SMG1: variants seen among roughly 807,000 people sequenced by gnomAD.
The protein encoded by SMG1 is serine/threonine-protein kinase SMG1.
In SMG1, 22 loss-of-function variants were observed where a neutral mutation model predicts 419.9. The ratio of observed to expected loss-of-function variants is 0.05; its 90% confidence interval spans 0.04 to 0.07. SMG1 has a LOEUF of 0.07. SMG1 is among the 10% of genes least tolerant of loss of function. The probability of loss-of-function intolerance (pLI) is 1.00; values close to 1 mark genes in which losing one functional copy is unlikely to be tolerated. For missense variants in SMG1, 3,185 were observed against 4,342.0 expected, an observed-to-expected ratio of 0.73 and a Z score of 7.49; for synonymous variants, 1,538 against 1,553.5, an observed-to-expected ratio of 0.99 and a Z score of 0.23.
intron 3 of SMG1, among the ~76,000 whole-genome samples, chr16:18,892,601 T>G (rs1335316544): frequency 2.6e-5 from 4 of 151,960 alleles, no homozygotes; most frequent in Admixed American, 6.6e-5. Context: ...GCCAAGGTGG[T>G]GTGCACCTGT....
In SMG1 at chr16:18,869,265, T is replaced by C. The variant is rs780215957; in HGVS notation, c.2672A>G (p.Gln891Arg). 16 of 1,611,592 alleles carry C rather than the reference T, an allele frequency of 9.9e-6. No individual in the cohort carries two copies. The highest frequency in any genetic ancestry group is 1.4e-5 in the Non-Finnish European group (16 of 1,179,574). ...TGACTGGTCACGCTTATCCAGTCTC[T>C]GGCAGCTATAGAACAGTCTTTCCAA... ...NWLERLFYSC[Q>R]RLDKRDQSTI... Residue 891 changes from glutamine to arginine, a missense_variant, in exon 20 of 63, where the codon CAG becomes CGG. Physicochemically the swap from Gln to Arg is conservative, Grantham distance 43. This residue lies in a region of SMG1 where 48 missense variants were observed against 48.8 expected (regional missense o/e 0.98). Coordinates refer to ENST00000446231, the MANE Select transcript of SMG1 (RefSeq NM_015092.5).
At chr16:18,908,476 C>CAAAAAAAA in intron 1 of SMG1, among the ~76,000 whole-genome samples, 1 of 83,710 alleles carries the variant, frequency 1.2e-5, no homozygotes, top group Non-Finnish European at 2.3e-5. Context: ...GACTCCGTCT[C>CAAAAAAAA]AAAAAAAAAA....
At chr16:18,894,067 A>C (rs544930293) in intron 3 of SMG1, among the ~76,000 whole-genome samples, 1 of 148,640 alleles carries the variant, frequency 6.7e-6, no homozygotes, top group East Asian at 1.9e-4. Flanking sequence ...ATAAATAAAT[A>C]AATAAATAAA....
Position 18,884,199 on chromosome 16 carries a change from AG to A in SMG1, c.1022-33del, listed in dbSNP as rs746574697. On this transcript the variant is annotated intron_variant, in intron 8 of 62. Coordinates refer to ENST00000446231, the MANE Select transcript of SMG1 (RefSeq NM_015092.5). Reference sequence around the variant, plus strand: ...ATCGTATAAGAAATTGTGAAAGGGTAGGGGGGAAAAAAACACCAAAAAATCC... The same window carrying A: ...ATCGTATAAGAAATTGTGAAAGGGTAGGGGGAAAAAAACACCAAAAAATCC... 29 of 1,172,600 alleles carry A rather than the reference AG, an allele frequency of 2.5e-5. No homozygotes were observed. In the African/African-American group the frequency reaches 3.4e-4, roughly 14 times the overall value. The allele number at this position is 1,172,600 out of a possible 1,614,324, so 72.6% of individuals were successfully genotyped here.
At chr16:18,844,664 C>T (rs1351627963) in intron 39 of SMG1, among the ~76,000 whole-genome samples, 1 of 151,714 alleles carries the variant, frequency 6.6e-6, no homozygotes, top group Non-Finnish European at 1.5e-5. Flanking sequence ...TAGCTATTTG[C>T]TCTGAATTTA....
At chr16:18,881,202 C>T (rs1324627243) in intron 10 of SMG1, among the ~76,000 whole-genome samples, 1 of 151,136 alleles carries the variant, frequency 6.6e-6, no homozygotes. Context: ...CCTCATAAAT[C>T]AATATACACC....
At chr16:18,921,003 T>G (rs554777018) in intron 1 of SMG1, among the ~76,000 whole-genome samples, 33 of 152,028 alleles carry the variant, frequency 2.2e-4, no homozygotes, top group Non-Finnish European at 3.4e-4. Flanking sequence ...CCGGGCATAG[T>G]GGCATGTACC....
intron 49 of SMG1, 146 bp downstream of exon 49, chr16:18,834,746 C>G (rs2033445488): frequency 1.0e-6 from 1 of 956,036 alleles, no homozygotes; most frequent in Non-Finnish European, 1.6e-6. Flanking sequence ...GACCCTGTCT[C>G]AAAACACAAC....
At chr16:18,860,909 C>A in intron 25 of SMG1, 133 bp from the exon 26 acceptor site, 2 of 497,088 alleles carry the variant, frequency 4.0e-6, no homozygotes, top group Non-Finnish European at 7.1e-6. Context: ...ATTCCTTCCA[C>A]GAGGATGCCA....
Position 18,847,843 on chromosome 16 carries a change from G to C in SMG1, c.5814C>G (p.Ser1938=). Residue 1938 remains serine, a synonymous_variant, in exon 37 of 63, where the codon TCC becomes TCG. Transcript: ENST00000446231. ...DCYSKIVDKL[S]SANPTMVLQV... is the part of the protein sequence containing the mutation. ...GTAATACCATGGTGGGGTTTGCAGA[G>C]GACAGCTTATCTACAATTTTGCTGT... The C allele has an allele frequency of 2.5e-6, 4 of 1,614,002 alleles. No homozygotes were observed. Among genetic ancestry groups the C allele is most frequent in the Non-Finnish European group, 3.4e-6 (4 of 1,179,870 alleles).
At chr16:18,859,791 C>T (rs1188348588) in intron 26 of SMG1, 88 bp from the exon 27 acceptor site, 1 of 813,322 alleles carries the variant, frequency 1.2e-6, no homozygotes, top group Non-Finnish European at 2.0e-6. Flanking sequence ...AACTAATCAC[C>T]AATGAACAGC....
rs758990790 is a variant in SMG1 at position 18,885,681 on chromosome 16, G to A, written c.823-15C>T. The A allele has an allele frequency of 3.8e-6, 6 of 1,594,718 alleles. No individual in the cohort carries two copies. Among genetic ancestry groups the A allele is most frequent in the African/African-American group, 2.7e-5 (2 of 74,688 alleles). On this transcript the variant is annotated splice_polypyrimidine_tract_variant and intron_variant, in intron 6 of 62. Coordinates refer to ENST00000446231, the MANE Select transcript of SMG1 (RefSeq NM_015092.5). ...GTCATTACAAGCTTAAAAATAAAAA[G>A]TTACAAACCGTGAACATTCAACAAA... is the stretch of plus-strand genomic sequence containing the variant.
chr16:18,913,573 T>G (rs941864012), intron 1 of SMG1, among the ~76,000 whole-genome samples: 11 of 152,066 alleles, frequency 7.2e-5, no homozygotes, highest in Non-Finnish European at 1.5e-4. Context: ...CCAAGACATA[T>G]TCATTAGTGG....
chr16:18,880,494 CTT>C (rs764328538), intron 10 of SMG1, among the ~76,000 whole-genome samples: 16 of 152,102 alleles, frequency 1.1e-4, no homozygotes, highest in South Asian at 2.1e-4. Flanking sequence ...GGAAGGTTCT[CTT>C]GAGTCCAGGA....
chr16:18,912,919 C>T (rs184991536), intron 1 of SMG1, among the ~76,000 whole-genome samples: 18 of 152,070 alleles, frequency 1.2e-4, no homozygotes, highest in Admixed American at 5.9e-4. Flanking sequence ...TTTTTCTTCA[C>T]GTTTATACAA....
chr16:18,883,303 T>A (rs1194820782), intron 9 of SMG1, among the ~76,000 whole-genome samples: 2 of 152,164 alleles, frequency 1.3e-5, no homozygotes, highest in African/African-American at 4.8e-5. Context: ...CTCTTAAAGC[T>A]CCTATGCTAT....
intron 25 of SMG1, among the ~76,000 whole-genome samples, chr16:18,863,159 G>C (rs551333993): frequency 1.1e-4 from 17 of 152,296 alleles, no homozygotes; most frequent in African/African-American, 3.8e-4. Context: ...AAAGTCTAAT[G>C]ACCTTTATCT....
rs1358738261 is a variant in SMG1 at position 18,834,189 on chromosome 16, A to T, written c.8565+15T>A. On this transcript the variant is annotated intron_variant, in intron 50 of 62. Transcript: ENST00000446231. Reference sequence around the variant, plus strand: ...GTATCTAAAACAAACTAATATTTAAAATAAAAGTGTTCACCTGAAGTGAGG... The same window carrying T: ...GTATCTAAAACAAACTAATATTTAATATAAAAGTGTTCACCTGAAGTGAGG... 19 of 1,527,290 alleles carry T rather than the reference A, an allele frequency of 1.2e-5. No individual in the cohort carries two copies. The highest frequency in any genetic ancestry group is 1.7e-5 in the Non-Finnish European group (19 of 1,123,278). 94.6% of individuals were successfully genotyped at this position (1,527,290 alleles called of 1,614,324 possible).
In SMG1 at chr16:18,829,606, T is replaced by G. The variant is rs1328337627; in HGVS notation, c.9283A>C (p.Ile3095Leu). 2 of 1,613,858 alleles carry G rather than the reference T, an allele frequency of 1.2e-6. No homozygotes were observed. The highest frequency in any genetic ancestry group is 1.7e-6 in the Non-Finnish European group (2 of 1,179,886). Reference protein sequence around the residue: ...FTADFVRQLLIGLPNQALGLT... With the variant: ...FTADFVRQLLLGLPNQALGLT... ...CCGAGGGCTTGGTTGGGTAGCCCTA[T>G]CAAGAGCTGCCTCACAAAGTCAGCT... Residue 3095 changes from isoleucine (I) to leucine (L), a missense_variant, in exon 54 of 63, where the codon ATA becomes CTA. This residue lies in a region of SMG1 where 737 missense variants were observed against 846.6 expected (regional missense o/e 0.87). Transcript: ENST00000446231.
Sources: gnomAD v4.1 joint callset for allele counts (sites outside exome capture counted in the v4.1 genomes callset) on GRCh38, gnomAD v4.1.1 for gene constraint, gnomAD v4.1.1 regional missense constraint, MANE v1.5 for transcripts, NCBI Gene and HGNC (gene_info 2026-07-23, HGNC 2026-07-21) for gene names.